Variants in PTPRT observed in about 807,000 individuals in gnomAD.
The protein encoded by PTPRT is receptor-type tyrosine-protein phosphatase T.
PTPRT carries 56 observed loss-of-function variants against 176.8 expected under a neutral mutation model. The ratio of observed to expected loss-of-function variants is 0.32; its 90% confidence interval spans 0.26 to 0.40. The LOEUF (loss-of-function observed/expected upper bound fraction) is 0.40, where lower values mean the gene tolerates loss of function less well. Among genes scored for constraint, PTPRT ranks in the 10% least tolerant of loss-of-function variants. PTPRT has a pLI of 1.00. For missense variants in PTPRT, 1,540 were observed against 1,908.2 expected, an observed-to-expected ratio of 0.81 and a Z score of 3.60; for synonymous variants, 783 against 739.0, an observed-to-expected ratio of 1.06 and a Z score of -0.96.
intron 7 of PTPRT, among the ~76,000 whole-genome samples, chr20:42,503,702 T>C (rs958383648): frequency 6.6e-6 from 1 of 152,138 alleles, no homozygotes; most frequent in African/African-American, 2.4e-5. Context: ...TTGTGTCATA[T>C]AAATCTTTTC....
At chr20:42,744,564 G>A (rs1204148955) in intron 6 of PTPRT, among the ~76,000 whole-genome samples, 1 of 152,036 alleles carries the variant, frequency 6.6e-6, no homozygotes, top group African/African-American at 2.4e-5. Flanking sequence ...GGCTTTTTTT[G>A]ATCCAAATTG....
chr20:42,812,142 T>G (rs1366701276), intron 2 of PTPRT, among the ~76,000 whole-genome samples: 1 of 152,148 alleles, frequency 6.6e-6, no homozygotes, highest in Non-Finnish European at 1.5e-5. Flanking sequence ...ATCCTAAGTT[T>G]TAATAGTTTA....
At chr20:42,932,266 G>C (rs1340341066) in intron 1 of PTPRT, among the ~76,000 whole-genome samples, 1 of 152,234 alleles carries the variant, frequency 6.6e-6, no homozygotes, top group Non-Finnish European at 1.5e-5. Context: ...TGAGGATCCT[G>C]GACTCAAGGA....
rs892227222 is a variant in PTPRT at position 42,212,310 on chromosome 20, A to T, written c.2343-12922T>A. On this transcript the variant is annotated intron_variant, in intron 15 of 30. Transcript: ENST00000373187. Reference sequence around the variant, plus strand: ...CCTAAAACTTAAAGTATAAAAAAAAAAAAAAGACAAAAAAAAAAAAAGAGT... The same window carrying T: ...CCTAAAACTTAAAGTATAAAAAAAATAAAAAGACAAAAAAAAAAAAAGAGT... Among the ~76,000 whole-genome samples the T allele has an allele frequency of 4.4e-5, 4 of 91,268 alleles. No homozygotes were observed. In the Admixed American group the frequency reaches 4.7e-4, roughly 11 times the overall value. 59.9% of individuals were successfully genotyped at this position (91,268 alleles called of 152,430 possible). A position where few individuals can be genotyped will look rare whatever the true frequency, so the allele number is the denominator to read the frequency against.
intron 13 of PTPRT, among the ~76,000 whole-genome samples, chr20:42,263,252 C>T (rs1235961985): frequency 6.6e-6 from 1 of 151,452 alleles, no homozygotes; most frequent in Non-Finnish European, 1.5e-5. Flanking sequence ...CTGGGTCTTG[C>T]TTTGTCACCC....
chr20:42,888,303 C>A (rs903151138), intron 1 of PTPRT, among the ~76,000 whole-genome samples: 13 of 150,700 alleles, frequency 8.6e-5, no homozygotes, highest in African/African-American at 3.0e-4. Context: ...GAGCTTTGTA[C>A]AACCTGACTA....
At chr20:42,036,312 A>G in the PTPRT span, among the ~76,000 whole-genome samples, 1 of 152,344 alleles carries the variant, frequency 6.6e-6, no homozygotes, top group East Asian at 1.9e-4. Context: ...TTAGGCAGCA[A>G]GGTCTTTAGT....
chr20:42,614,983 T>C (rs1219772352), intron 7 of PTPRT, among the ~76,000 whole-genome samples: 2 of 147,714 alleles, frequency 1.4e-5, no homozygotes, highest in Non-Finnish European at 3.0e-5. Flanking sequence ...ATGTGCACAT[T>C]GTGCAGGTTA....
At chr20:42,189,770 C>G (rs1011980548) in intron 16 of PTPRT, among the ~76,000 whole-genome samples, 4 of 152,214 alleles carry the variant, frequency 2.6e-5, no homozygotes, top group Non-Finnish European at 5.9e-5. Context: ...CTTGGGAAAA[C>G]TCTCTGCAAC....
chr20:42,757,254 A>G (rs917943227), intron 5 of PTPRT, among the ~76,000 whole-genome samples: 1 of 151,882 alleles, frequency 6.6e-6, no homozygotes, highest in African/African-American at 2.4e-5. Context: ...TTTCCTCCCT[A>G]TTTTCCTTTT....
rs1221601752 is a variant in PTPRT, at chr20:42,075,033, G to C, written c.*5846C>G. 1.1e-5 allele frequency: 4 copies of C among 380,200 alleles called. No individual in the cohort carries two copies. Among genetic ancestry groups the C allele is most frequent in the Non-Finnish European group, 1.8e-5 (4 of 221,080 alleles). The allele number at this position is 380,200 out of a possible 1,614,324, so 23.6% of individuals were successfully genotyped here. A position where few individuals can be genotyped will look rare whatever the true frequency, so the allele number is the denominator to read the frequency against. ...TCCACCACTAACCTCTCTCCCTGCTGTTCAGTCTATGACCTCAAAGGCAGA... is the reference window on the plus strand; with the variant it reads ...TCCACCACTAACCTCTCTCCCTGCTCTTCAGTCTATGACCTCAAAGGCAGA... On this transcript the variant is annotated 3_prime_UTR_variant, in exon 31 of 31. Transcript: ENST00000373187.
At chr20:43,109,847 A>C (rs1193099389) in intron 1 of PTPRT, among the ~76,000 whole-genome samples, 1 of 152,146 alleles carries the variant, frequency 6.6e-6, no homozygotes, top group Admixed American at 6.6e-5. Context: ...CCTGGGGCCA[A>C]AAAGAAATTT....
At chr20:43,112,499 C>G (rs1415856775) in intron 1 of PTPRT, among the ~76,000 whole-genome samples, 2 of 151,798 alleles carry the variant, frequency 1.3e-5, no homozygotes, top group Non-Finnish European at 2.9e-5. Context: ...GGTCAGGAAA[C>G]TAGATGAGGA....
intron 7 of PTPRT, among the ~76,000 whole-genome samples, chr20:42,504,650 C>T (rs1235534589): frequency 6.6e-6 from 1 of 151,974 alleles, no homozygotes; most frequent in Non-Finnish European, 1.5e-5. Context: ...ATGTATGTGT[C>T]TTTTAAAATT....
chr20:42,502,023 C>T (rs959487099), intron 7 of PTPRT, among the ~76,000 whole-genome samples: 1 of 151,988 alleles, frequency 6.6e-6, no homozygotes, highest in African/African-American at 2.4e-5. Flanking sequence ...GCTTGTAAAA[C>T]AATTTGGGCT....
chr20:42,769,062 C>G (rs561325564), intron 5 of PTPRT, among the ~76,000 whole-genome samples: 129 of 152,328 alleles, frequency 8.5e-4, no homozygotes, highest in African/African-American at 2.4e-3. Context: ...CACTTGAACA[C>G]TAATCGTAAT....
the PTPRT span, among the ~76,000 whole-genome samples, chr20:42,062,625 C>T: frequency 6.6e-6 from 1 of 152,164 alleles, no homozygotes; most frequent in Admixed American, 6.5e-5. Context: ...TGTCTCAAGC[C>T]CTTATTCCAC....
chr20:42,457,224 C>A (rs900901842), intron 8 of PTPRT, among the ~76,000 whole-genome samples: 6 of 152,084 alleles, frequency 3.9e-5, no homozygotes, highest in South Asian at 4.2e-4. Context: ...TCCCTAAATA[C>A]AATAGAGTTT....
chr20:42,441,468 A>G (rs1413116894), intron 9 of PTPRT, among the ~76,000 whole-genome samples: 1 of 152,182 alleles, frequency 6.6e-6, no homozygotes, highest in Non-Finnish European at 1.5e-5. Flanking sequence ...GAAGATAGAG[A>G]GGCAGCCAGT....
Sources: gnomAD v4.1 joint callset for allele counts (sites outside exome capture counted in the v4.1 genomes callset) on GRCh38, gnomAD v4.1.1 for gene constraint, MANE v1.5 for transcripts, NCBI Gene and HGNC (gene_info 2026-07-23, HGNC 2026-07-21) for gene names.